AKAP4: variants seen among roughly 807,000 people sequenced by gnomAD.
The protein encoded by AKAP4 is A-kinase anchoring protein 4, also known as A-kinase anchor protein 4.
A neutral mutation model predicts 42.6 loss-of-function variants in AKAP4; 4 were observed. The ratio of observed to expected loss-of-function variants is 0.09; its 90% CI spans 0.05 to 0.22. The LOEUF (loss-of-function observed/expected upper bound fraction) is 0.22. AKAP4 is among the 10% of genes least tolerant of loss of function. The pLI is 1.00. For missense variants in AKAP4, 551 were observed against 630.7 expected (o/e 0.87, Z 1.35); for synonymous variants, 223 against 233.0 (o/e 0.96, Z 0.39).
chrX:50,197,482 T>A, intron 3 of AKAP4, 62 bp downstream of exon 3: 1 of 1,032,948 alleles, frequency 9.7e-7, no homozygotes, highest in African/African-American at 1.9e-5. Context: ...TTCTTCATAC[T>A]TCACTGATAA....
chrX:50,198,462 A>C (rs1446457266), intron 2 of AKAP4, among the ~76,000 whole-genome samples, 195 bp downstream of exon 2: 1 of 109,645 alleles, frequency 9.1e-6, no homozygotes, highest in Non-Finnish European at 1.9e-5. Flanking sequence ...TTTACATCAC[A>C]CCACACCCTG....
rs782464382 is a variant in AKAP4, at chrX:50,193,441, C to T, written c.1272G>A (p.Glu424=). 3.8e-5 allele frequency: 46 copies of T among 1,210,367 alleles called. No individual in the cohort carries two copies. The highest frequency in any genetic ancestry group is 4.8e-5 in the Non-Finnish European group (43 of 895,379). ...CACTGACCAAGCGCTTCAGCATGGCCTCCATGATGTCTGTAGCATTTTGTT... is the reference window on the plus strand; with the variant it reads ...CACTGACCAAGCGCTTCAGCATGGCTTCCATGATGTCTGTAGCATTTTGTT... ...QWKQNATDIM[E]AMLKRLVSAL... Residue 424 remains glutamate, a synonymous_variant, in exon 5 of 6, where the codon GAG becomes GAA. Transcript: ENST00000358526.
rs868953213 is a variant in AKAP4, at chrX:50,193,169, G to A, written c.1544C>T (p.Ser515Leu). The stretch of plus-strand genomic sequence containing the variant: ...GCATGCTTTGGTAGCCACCTTGCAT[G>A]AGTTTCCTTGCTTTTGGTTCCAGAT... ...LTIWNQKQGNSCKVATKACSN... is the reference protein window; with the variant it reads ...LTIWNQKQGNLCKVATKACSN... Residue 515 changes from serine (S) to leucine (L), a missense_variant, in exon 5 of 6, where the codon TCA becomes TTA. Coordinates refer to ENST00000358526, the MANE Select transcript of AKAP4 (RefSeq NM_003886.3). 8.3e-7 allele frequency: 1 copy of A among 1,210,207 alleles called. No individual in the cohort carries two copies. The highest frequency in any genetic ancestry group is 1.7e-5 in the African/African-American group (1 of 57,224).
rs782187338 is a variant in AKAP4, at chrX:50,191,670, A to AAG, written c.2410-557_2410-556dup. ...TGTGTGTGTGTGTGTGAGAGAGAGAAAGAGAGAGAGAGAGAGACAGAGAGA... is the reference window on the plus strand; with the variant it reads ...TGTGTGTGTGTGTGTGAGAGAGAGAAAGAGAGAGAGAGAGAGAGACAGAGAGA... On this transcript the variant is annotated intron_variant, in intron 5 of 5. Coordinates refer to ENST00000358526, the MANE Select transcript of AKAP4 (RefSeq NM_003886.3). Among the ~76,000 whole-genome samples, 446 of 90,026 alleles carry AAG rather than the reference A, an allele frequency of 5.0e-3. 8 individuals carry two copies. Among genetic ancestry groups the AAG allele is most frequent in the Non-Finnish European group, 7.2e-3 (332 of 46,274 alleles). 78.2% of individuals were successfully genotyped at this position (90,026 alleles called of 115,157 possible).
chrX:50,191,664 G>GAGAA (rs1387375608), intron 5 of AKAP4, among the ~76,000 whole-genome samples: 2,666 of 22,285 alleles, frequency 0.12, 42 homozygotes, highest in African/African-American at 0.21. Flanking sequence ...GTGTGTGAGA[G>GAGAA]AGAGAAAGAG....
In AKAP4 at chrX:50,192,660, A is replaced by G; in HGVS notation, c.2053T>C (p.Cys685Arg). Residue 685 changes from cysteine (C) to arginine (R), a missense_variant, in exon 5 of 6, where the codon TGT (cysteine) becomes CGT (arginine). Cys to Arg is a radical substitution (Grantham distance 180, BLOSUM62 -3). Coordinates refer to ENST00000358526, the MANE Select transcript of AKAP4 (RefSeq NM_003886.3). ...TTCGCTTGCTTCATCCCACTGGTAC[A>G]GTCAAGTTCTTGATGCTCCTGGCAT... The part of the protein sequence containing the change: ...EQCQEHQELD[C>R]TSGMKQANGQ... The G allele has an allele frequency of 8.3e-7, 1 of 1,211,802 alleles. No individual in the cohort carries two copies. The highest frequency in any genetic ancestry group is 1.1e-6 in the Non-Finnish European group (1 of 895,561).
In AKAP4 at chrX:50,192,327, C is replaced by T; in HGVS notation, c.2386G>A (p.Asp796Asn). Residue 796 changes from aspartate (D) to asparagine (N), a missense_variant, in exon 5 of 6, where the codon GAT becomes AAT. Coordinates refer to ENST00000358526, the MANE Select transcript of AKAP4 (RefSeq NM_003886.3). Reference protein sequence around the residue: ...FNVPMLYFMGDKDGQLEKLPQ... With the variant: ...FNVPMLYFMGNKDGQLEKLPQ... ...ACCTTTTCCAGTTGTCCATCCTTAT[C>T]TCCCATGAAGTAGAGCATGGGCACG... 8.3e-7 allele frequency: 1 copy of T among 1,198,194 alleles called. No homozygotes were observed. Among genetic ancestry groups the T allele is most frequent in the Non-Finnish European group, 1.1e-6 (1 of 889,688 alleles).
chrX:50,200,391 C>T lies in AKAP4; in HGVS notation c.27+472G>A, dbSNP rs1209889778. 4 of 753,496 alleles carry T rather than the reference C, an allele frequency of 5.3e-6. No individual in the cohort carries two copies. In the African/African-American group the frequency reaches 9.2e-5, roughly 17 times the overall value. 62.1% of individuals were successfully genotyped at this position (753,496 alleles called of 1,213,427 possible). A position where few individuals can be genotyped will look rare whatever the true frequency, so the allele number is the denominator to read the frequency against. On this transcript the variant is annotated intron_variant, in intron 1 of 5. Coordinates refer to ENST00000358526, the MANE Select transcript of AKAP4 (RefSeq NM_003886.3). ...CCAGACTGAGGGGCCAGGCTTTCCC[C>T]TGCTGCCTCTGACCCTGGGGTGTGG...
intron 3 of AKAP4, 63 bp downstream of exon 3, chrX:50,197,481 C>G: frequency 9.8e-7 from 1 of 1,022,380 alleles, no homozygotes; most frequent in Non-Finnish European, 1.4e-6. Flanking sequence ...ATTCTTCATA[C>G]TTCACTGATA....
chrX:50,197,059 G>T, intron 3 of AKAP4, 67 bp from the exon 4 acceptor site: 1 of 764,134 alleles, frequency 1.3e-6, no homozygotes. Flanking sequence ...TGCCCCCCTA[G>T]GCTATGACTT....
At position 50,193,458 on chromosome X, in the gene AKAP4, C is replaced by T. The variant is rs1935142721; in HGVS notation, c.1255G>A (p.Ala419Thr). ...AGCATGGCCTCCATGATGTCTGTAG[C>T]ATTTTGTTTCCACTGGTTGAACAGA... is the stretch of plus-strand genomic sequence containing the variant. Reference protein sequence around the residue: ...RNLFNQWKQNATDIMEAMLKR... With the variant: ...RNLFNQWKQNTTDIMEAMLKR... Residue 419 changes from alanine (A) to threonine (T), a missense_variant, in exon 5 of 6, where the codon GCT (alanine) becomes ACT (threonine). Transcript: ENST00000358526. 1.7e-6 allele frequency: 2 copies of T among 1,210,377 alleles called. No individual in the cohort carries two copies. The highest frequency in any genetic ancestry group is 3.5e-5 in the African/African-American group (2 of 57,258).
In AKAP4 at chrX:50,200,239, GA is replaced by G. The variant is rs1204880070; in HGVS notation, c.27+623del. On this transcript the variant is annotated intron_variant, in intron 1 of 5. Transcript: ENST00000358526. Reference sequence around the variant, plus strand: ...TTTATGAACTCATTACCTTGATGATGAAGTTCTTTTAGATGTTTGGCTGAAA... The same window carrying G: ...TTTATGAACTCATTACCTTGATGATGAGTTCTTTTAGATGTTTGGCTGAAA... The G allele has an allele frequency of 1.3e-5, 10 of 751,950 alleles. No individual in the cohort carries two copies. In the South Asian group the frequency reaches 4.8e-4, roughly 36 times the overall value. 62.0% of individuals were successfully genotyped at this position (751,950 alleles called of 1,213,427 possible).
intron 2 of AKAP4, among the ~76,000 whole-genome samples, chrX:50,198,227 G>A (rs1000795227): frequency 9.0e-6 from 1 of 111,440 alleles, no homozygotes; most frequent in Non-Finnish European, 1.9e-5. Flanking sequence ...TTAAATAATA[G>A]TATGCGTGAC....
rs1935143341 is a variant in AKAP4 at position 50,193,508 on chromosome X, T to C, written c.1205A>G (p.Asp402Gly). ...ATTTCTCTTGACAGCTGAGACAAAGTCTGAGTCAGTCATCAGGACCCCAGT... is the reference window on the plus strand; with the variant it reads ...ATTTCTCTTGACAGCTGAGACAAAGCCTGAGTCAGTCATCAGGACCCCAGT... ...NITGVLMTDS[D>G]FVSAVKRNLF... The change falls in exon 5 of 6, where the codon GAC becomes GGC. Residue 402 changes from aspartate (D) to glycine (G), a missense_variant. Asp to Gly is a moderately conservative substitution (Grantham distance 94). Transcript: ENST00000358526. 8.3e-7 allele frequency: 1 copy of C among 1,211,785 alleles called. No homozygotes were observed.
At chrX:50,191,621 TGTG>T in intron 5 of AKAP4, among the ~76,000 whole-genome samples, 1 of 44,457 alleles carries the variant, frequency 2.2e-5, no homozygotes, top group Middle Eastern at 0.012. Flanking sequence ...GTCAGATAGG[TGTG>T]TGTGTGTGTG....
intron 5 of AKAP4, 83 bp from the exon 6 acceptor site, chrX:50,191,198 CCCTCAACCCCTAACCT>C: frequency 9.4e-7 from 1 of 1,069,343 alleles, no homozygotes; most frequent in Non-Finnish European, 1.3e-6. Flanking sequence ...CCACCCAACC[CCCTCAACCCCTAACCT>C]CCTCACCCAC....
intron 1 of AKAP4, 144 bp downstream of exon 1, chrX:50,200,719 G>T (rs1935254265): frequency 1.8e-6 from 1 of 546,509 alleles, no homozygotes; most frequent in Non-Finnish European, 3.0e-6. Context: ...TAGAAACAGA[G>T]AAATGTTGAT....
Position 50,191,031 on chromosome X carries a change from G to A in AKAP4, c.2494C>T (p.Arg832Trp), listed in dbSNP as rs140842418. 29 of 1,208,775 alleles carry A rather than the reference G, an allele frequency of 2.4e-5. No individual in the cohort carries two copies. Among genetic ancestry groups the A allele is most frequent in the African/African-American group, 2.1e-4 (12 of 56,791 alleles). Residue 832 changes from arginine (R) to tryptophan (W), a missense_variant, in exon 6 of 6, where the codon CGG becomes TGG. Physicochemically the swap from Arg to Trp is moderately radical, Grantham distance 101. Transcript: ENST00000358526. ...LQEVMKFAKE[R>W]QPDEAVGKVA... is the part of the protein sequence containing the mutation. ...TTTCCCACAGCTTCATCTGGTTGCC[G>A]TTCCTTGGCAAACTTCATGACCTCT... is the stretch of plus-strand genomic sequence containing the variant.
chrX:50,193,043 G>A lies in AKAP4; in HGVS notation c.1670C>T (p.Thr557Ile), dbSNP rs781961150. 8.3e-7 allele frequency: 1 copy of A among 1,210,080 alleles called. No homozygotes were observed. The highest frequency in any genetic ancestry group is 3.0e-5 in the East Asian group (1 of 33,743). Residue 557 changes from threonine to isoleucine, a missense_variant, in exon 5 of 6, where the codon ACC becomes ATC. Thr to Ile is a moderately conservative substitution (Grantham distance 89). Coordinates refer to ENST00000358526, the MANE Select transcript of AKAP4 (RefSeq NM_003886.3). ...TGTATCTTTGCCCTTAGTCTGCTGG[G>A]TCAGATGGTACTGGATCAGCTTAAG... The part of the protein sequence containing the change: ...SALKLIQYHL[T>I]QQTKGKDTCE...
Sources: allele counts gnomAD v4.1 joint callset (sites outside exome capture counted in the v4.1 genomes callset), GRCh38; gene constraint gnomAD v4.1.1; transcripts MANE v1.5; gene names NCBI Gene and HGNC (gene_info 2026-07-23, HGNC 2026-07-21).